The following OR3A2 variants were observed in gnomAD, a reference collection of about 807,000 sequenced individuals.
The protein encoded by OR3A2 is olfactory receptor 3A2.
For synonymous variants in OR3A2, 126 were observed against 159.3 expected, an observed-to-expected ratio of 0.79 and a Z score of 1.57; for missense variants, 318 against 392.8, an observed-to-expected ratio of 0.81 and a Z score of 1.61.
At chr17:3,352,905 G>A (rs1283317741) in intron 2 of OR3A2, among the ~76,000 whole-genome samples, 1 of 151,584 alleles carries the variant, frequency 6.6e-6, no homozygotes, top group East Asian at 1.9e-4. Flanking sequence ...CATTTCTGGT[G>A]TCCTGTTCAA....
chr17:3,296,480 A>T (rs1663008420), intron 3 of OR3A2, among the ~76,000 whole-genome samples: 1 of 152,164 alleles, frequency 6.6e-6, no homozygotes, highest in African/African-American at 2.4e-5. Flanking sequence ...ATACAGAGCT[A>T]ATAAACAAGT....
intron 3 of OR3A2, chr17:3,292,480 G>C: frequency 6.2e-7 from 1 of 1,613,796 alleles, no homozygotes; most frequent in Non-Finnish European, 8.5e-7. Flanking sequence ...TAGGCAAAGA[G>C]GAAGAGCACA....
chr17:3,330,854 T>G (rs2049226102), intron 3 of OR3A2, among the ~76,000 whole-genome samples: 1 of 152,106 alleles, frequency 6.6e-6, no homozygotes, highest in Non-Finnish European at 1.5e-5. Flanking sequence ...CTGGTACCGG[T>G]TGTTCCTTTC....
chr17:3,289,042 T>C (rs537702044), upstream of OR3A2, among the ~76,000 whole-genome samples: 110 of 152,262 alleles, frequency 7.2e-4, 1 homozygote, highest in African/African-American at 2.6e-3. Flanking sequence ...TACTATGCAA[T>C]ATAGACAGAG....
chr17:3,372,083 C>T (rs1274980381), intron 2 of OR3A2, among the ~76,000 whole-genome samples: 37 of 141,864 alleles, frequency 2.6e-4, no homozygotes, highest in African/African-American at 8.8e-4. Flanking sequence ...AGTTGCCAGG[C>T]GGAGGGTCTC....
intron 3 of OR3A2, among the ~76,000 whole-genome samples, chr17:3,294,109 T>TA (rs1191112300): frequency 6.6e-6 from 1 of 151,598 alleles, no homozygotes; most frequent in African/African-American, 2.4e-5. Context: ...CCCCAGAACT[T>TA]AAAAAAATAA....
exon 1 of OR3A2, chr17:3,386,285 C>A (rs907712972): frequency 1.5e-5 from 6 of 398,522 alleles, no homozygotes; most frequent in Admixed American, 8.8e-5. Context: ...GCGGCCATGT[C>A]CTACGACCGC....
intron 3 of OR3A2, chr17:3,310,553 C>G (rs552665710): frequency 1.9e-6 from 1 of 536,172 alleles, no homozygotes; most frequent in Non-Finnish European, 3.8e-6. Context: ...GTGTCACTGT[C>G]CCTGCCATGC....
At chr17:3,328,768 G>A (rs1037643623) in intron 3 of OR3A2, among the ~76,000 whole-genome samples, 4 of 143,114 alleles carry the variant, frequency 2.8e-5, no homozygotes, top group South Asian at 2.4e-4. Flanking sequence ...TTAGCATGAA[G>A]GGTTGTTGAA....
chr17:3,310,940 T>C (rs2049038019), intron 3 of OR3A2: 1 of 595,022 alleles, frequency 1.7e-6, no homozygotes. Context: ...CTTTCATGGG[T>C]GTGGCCCCCT....
Position 3,279,120 on chromosome 17 carries a change from C to A in OR3A2, c.-6-197G>T. ...CCCAATGACACCACCACCTTGTCCT[C>A]CTCATCCTCTGCTAGCTGAAAAGGT... On this transcript the variant is annotated intron_variant, in intron 1 of 1. Coordinates refer to ENST00000642052, the Ensembl canonical transcript of OR3A2. 3 of 815,812 alleles carry A rather than the reference C, an allele frequency of 3.7e-6. No individual in the cohort carries two copies. The South Asian group carries it at 5.8e-5, about 16-fold the overall frequency. The allele number at this position is 815,812 out of a possible 1,614,324, so 50.5% of individuals were successfully genotyped here. A position where few individuals can be genotyped will look rare whatever the true frequency, so the allele number is the denominator to read the frequency against.
chr17:3,368,287 T>A (rs571067500), intron 2 of OR3A2, among the ~76,000 whole-genome samples: 1 of 152,342 alleles, frequency 6.6e-6, no homozygotes, highest in African/African-American at 2.4e-5. Context: ...GCTTTTGGGT[T>A]CTTGATCATA....
At chr17:3,303,064 T>C (rs1239939239) in intron 3 of OR3A2, among the ~76,000 whole-genome samples, 3 of 152,132 alleles carry the variant, frequency 2.0e-5, no homozygotes, top group African/African-American at 4.8e-5. Context: ...TGGTGGCCAA[T>C]AGATCAGTAG....
chr17:3,292,291 C>T, intron 3 of OR3A2: 1 of 1,614,150 alleles, frequency 6.2e-7, no homozygotes, highest in Non-Finnish European at 8.5e-7. Flanking sequence ...AGGCAGGCCC[C>T]ACAGGGAACT....
intron 3 of OR3A2, among the ~76,000 whole-genome samples, chr17:3,331,658 G>T (rs1476412224): frequency 6.6e-6 from 1 of 151,578 alleles, no homozygotes; most frequent in East Asian, 1.9e-4. Flanking sequence ...CCTTTGGTTT[G>T]AATGTCCTCC....
intron 3 of OR3A2, among the ~76,000 whole-genome samples, chr17:3,307,060 C>G (rs1329950067): frequency 1.3e-5 from 2 of 152,236 alleles, no homozygotes; most frequent in African/African-American, 2.4e-5. Flanking sequence ...ATCCAACACA[C>G]AGGCATTAGG....
At chr17:3,312,887 G>A (rs2049055459) in intron 3 of OR3A2, among the ~76,000 whole-genome samples, 2 of 152,186 alleles carry the variant, frequency 1.3e-5, no homozygotes, top group Admixed American at 1.3e-4. Flanking sequence ...GTCTCCCAAA[G>A]TGCTGAGATT....
At chr17:3,319,175 C>T (rs553361180) in intron 3 of OR3A2, among the ~76,000 whole-genome samples, 160 of 152,172 alleles carry the variant, frequency 1.1e-3, no homozygotes, top group African/African-American at 3.6e-3. Context: ...CATTATGATT[C>T]TACTGTATGC....
chr17:3,281,232 A>G (rs2048774772), intron 1 of OR3A2, among the ~76,000 whole-genome samples: 1 of 144,172 alleles, frequency 6.9e-6, no homozygotes, highest in African/African-American at 2.7e-5. Flanking sequence ...CCCAGGCATC[A>G]GGATTTTTTT....
Sources: allele counts gnomAD v4.1 joint callset (sites outside exome capture counted in the v4.1 genomes callset), GRCh38; gene constraint gnomAD v4.1.1; transcripts MANE v1.5; gene names NCBI Gene and HGNC (gene_info 2026-07-23, HGNC 2026-07-21).